DRC10: variants seen among roughly 807,000 people sequenced by gnomAD.
DRC10 encodes dynein regulatory complex subunit 10.
chr12:113,205,859 G>A, the DRC10 span, among the ~76,000 whole-genome samples: 8 of 138,686 alleles, frequency 5.8e-5, no homozygotes, highest in African/African-American at 8.2e-5. Flanking sequence ...ACTGCAGTCC[G>A]CAGTCCGGCT....
At chr12:113,213,484 T>A in the DRC10 span, among the ~76,000 whole-genome samples, 1 of 152,370 alleles carries the variant, frequency 6.6e-6, no homozygotes, top group South Asian at 2.1e-4. Flanking sequence ...GAATGCTATA[T>A]ACGAATTAAT....
At chr12:113,197,420 G>T in the DRC10 span, 1 of 682,778 alleles carries the variant, frequency 1.5e-6, no homozygotes, top group Non-Finnish European at 2.6e-6. Context: ...AGTGCTCCCT[G>T]CAGAGAGGCT....
At chr12:113,212,020 G>A in the DRC10 span, among the ~76,000 whole-genome samples, 2 of 151,504 alleles carry the variant, frequency 1.3e-5, no homozygotes, top group African/African-American at 2.4e-5. Context: ...AGCCATGATC[G>A]CACCACTGCA....
the DRC10 span, chr12:113,208,503 C>T: frequency 6.0e-6 from 2 of 330,754 alleles, no homozygotes; most frequent in Non-Finnish European, 1.0e-5. Context: ...GGCATACAGA[C>T]AGCATTCTAA....
chr12:113,216,883 T>A, the DRC10 span, among the ~76,000 whole-genome samples: 9 of 151,712 alleles, frequency 5.9e-5, no homozygotes, highest in Non-Finnish European at 1.0e-4. Context: ...AGGTCAAGAG[T>A]TCGAGACCAA....
At chr12:113,208,667 A>G in the DRC10 span, among the ~76,000 whole-genome samples, 148 of 152,220 alleles carry the variant, frequency 9.7e-4, no homozygotes, top group African/African-American at 3.4e-3. Context: ...GGAAGTTTGA[A>G]CCACAGCCAT....
chr12:113,215,536 T>C, the DRC10 span, among the ~76,000 whole-genome samples: 1 of 152,206 alleles, frequency 6.6e-6, no homozygotes, highest in African/African-American at 2.4e-5. Context: ...ATTTTGTTTT[T>C]AATTTTGCTG....
chr12:113,203,161 GA>G, the DRC10 span: 1 of 382,498 alleles, frequency 2.6e-6, no homozygotes, highest in African/African-American at 2.1e-5. Flanking sequence ...GAGTAGCTGG[GA>G]CTACAGGTGC....
At chr12:113,208,798 C>T in the DRC10 span, among the ~76,000 whole-genome samples, 1 of 152,224 alleles carries the variant, frequency 6.6e-6, no homozygotes, top group African/African-American at 2.4e-5. Context: ...AGGAAACCAA[C>T]TGACAAGCAG....
At chr12:113,212,343 A>C in the DRC10 span, among the ~76,000 whole-genome samples, 49 of 152,258 alleles carry the variant, frequency 3.2e-4, no homozygotes, top group African/African-American at 6.7e-4. Flanking sequence ...TGGTGGGATT[A>C]CAGGCGTGAG....
chr12:113,210,202 T>C, the DRC10 span, among the ~76,000 whole-genome samples: 1 of 152,124 alleles, frequency 6.6e-6, no homozygotes. Context: ...GATCAGTAAT[T>C]TATATTGCTT....
At chr12:113,201,293 A>G in the DRC10 span, among the ~76,000 whole-genome samples, 1 of 152,226 alleles carries the variant, frequency 6.6e-6, no homozygotes, top group Non-Finnish European at 1.5e-5. Context: ...GATTACAGAC[A>G]AGACAACTGA....
the DRC10 span, among the ~76,000 whole-genome samples, chr12:113,198,268 TGGAA>T: frequency 2.0e-5 from 3 of 151,696 alleles, no homozygotes; most frequent in Non-Finnish European, 4.4e-5. Context: ...CCAGTGTGAC[TGGAA>T]GGGAGTGGCG....
At chr12:113,205,758 G>T in the DRC10 span, among the ~76,000 whole-genome samples, 1 of 150,678 alleles carries the variant, frequency 6.6e-6, no homozygotes, top group Non-Finnish European at 1.5e-5. Flanking sequence ...GCGCGGTGGC[G>T]GGCGCCTGTA....
At chr12:113,212,886 A>G in the DRC10 span, among the ~76,000 whole-genome samples, 1 of 152,204 alleles carries the variant, frequency 6.6e-6, no homozygotes, top group East Asian at 1.9e-4. Flanking sequence ...CTGAGAGTGA[A>G]GCAAATTGTT....
chr12:113,221,064 C>T, the DRC10 span: 1 of 423,510 alleles, frequency 2.4e-6, no homozygotes, highest in South Asian at 1.7e-5. Context: ...CTAGGTTACC[C>T]GCCAATCTCA....
At chr12:113,197,322 C>T in the DRC10 span, among the ~76,000 whole-genome samples, 1 of 151,944 alleles carries the variant, frequency 6.6e-6, no homozygotes, top group Non-Finnish European at 1.5e-5. Context: ...CAGGCATGAG[C>T]CACAGCACCT....
the DRC10 span, among the ~76,000 whole-genome samples, chr12:113,213,478 G>A: frequency 6.6e-6 from 1 of 152,154 alleles, no homozygotes; most frequent in Non-Finnish European, 1.5e-5. Flanking sequence ...TGTTCTGAAT[G>A]CTATATACGA....
chr12:113,200,705 G>A, the DRC10 span: 1 of 1,536,202 alleles, frequency 6.5e-7, no homozygotes. Flanking sequence ...TCGGCCTTCT[G>A]CTGCTTCTCA....
Sources: allele counts gnomAD v4.1 joint callset (sites outside exome capture counted in the v4.1 genomes callset), GRCh38; gene constraint gnomAD v4.1.1; transcripts MANE v1.5; gene names NCBI Gene and HGNC (gene_info 2026-07-23, HGNC 2026-07-21).